Variants in CDH4 observed in about 807,000 individuals in gnomAD.
The protein encoded by CDH4 is cadherin 4.
In CDH4, 33 loss-of-function variants were observed where a neutral mutation model predicts 86.0. The observed-to-expected ratio is 0.38, with a 90% CI of 0.29 to 0.51. The LOEUF (loss-of-function observed/expected upper bound fraction) is 0.51, where lower values mean the gene tolerates loss of function less well. Among genes scored for constraint, CDH4 ranks in the 20% least tolerant of loss-of-function variants. The probability of loss-of-function intolerance (pLI) is 0.86; values close to 1 mark genes in which losing one functional copy is unlikely to be tolerated. For synonymous variants in CDH4, 555 were observed against 549.4 expected (o/e 1.01, Z -0.14); for missense variants, 1,114 against 1,307.4 (o/e 0.85, Z 2.28).
At chr20:61,327,924 G>A (rs757634000) in intron 2 of CDH4, among the ~76,000 whole-genome samples, 13 of 152,172 alleles carry the variant, frequency 8.5e-5, no homozygotes, top group Admixed American at 5.9e-4. Context: ...AATGGCCATG[G>A]AAATTTGGTC....
chr20:61,502,394 G>T (rs551274603), intron 2 of CDH4, among the ~76,000 whole-genome samples: 1 of 152,078 alleles, frequency 6.6e-6, no homozygotes, highest in Non-Finnish European at 1.5e-5. Context: ...TCCCAGGGTT[G>T]TCCTGGGACT....
chr20:61,329,062 T>C (rs2084553788), intron 2 of CDH4, among the ~76,000 whole-genome samples: 1 of 152,174 alleles, frequency 6.6e-6, no homozygotes, highest in Admixed American at 6.5e-5. Flanking sequence ...TAGTAACATG[T>C]TGAGTGTCTT....
At chr20:61,270,436 G>T (rs1042295568) in intron 2 of CDH4, among the ~76,000 whole-genome samples, 1 of 152,192 alleles carries the variant, frequency 6.6e-6, no homozygotes, top group Non-Finnish European at 1.5e-5. Flanking sequence ...TGGAATACCA[G>T]TGCTGGGCCG....
intron 11 of CDH4, 148 bp from the exon 12 acceptor site, chr20:61,928,042 G>A (rs1404043991): frequency 1.4e-6 from 1 of 716,862 alleles, no homozygotes; most frequent in South Asian, 1.6e-5. Flanking sequence ...TGTGTTGGGA[G>A]ATGGCCGGCC....
At position 61,708,798 on chromosome 20, in the gene CDH4, C is replaced by G. The variant is rs1392694828; in HGVS notation, c.170-34765C>G. 6.6e-6 allele frequency among the ~76,000 whole-genome samples: 1 copy of G among 152,208 alleles called. No homozygotes were observed. The highest frequency in any genetic ancestry group is 2.4e-5 in the African/African-American group (1 of 41,448). On this transcript the variant is annotated intron_variant, in intron 2 of 15. Transcript: ENST00000614565. This position sits in a 1 kb window ranked among gnomAD's most constrained non-coding sequence, Gnocchi z 4.5. Reference sequence around the variant, plus strand: ...CATGGACGGGCATCTCCTCTGCAGGCTGTTTGTTAGAGATGAGCACAGAAA... The same window carrying G: ...CATGGACGGGCATCTCCTCTGCAGGGTGTTTGTTAGAGATGAGCACAGAAA...
chr20:61,272,436 G>T (rs1197125305), intron 2 of CDH4, among the ~76,000 whole-genome samples: 49 of 152,202 alleles, frequency 3.2e-4, no homozygotes, highest in Non-Finnish European at 5.9e-5. Flanking sequence ...GTTTTGTCAG[G>T]AAGACATCCC....
At position 61,468,099 on chromosome 20, in the gene CDH4, A is replaced by G. The variant is rs149114637; in HGVS notation, c.169+213162A>G. Among the ~76,000 whole-genome samples, 14 of 152,270 alleles carry G rather than the reference A, an allele frequency of 9.2e-5. No individual in the cohort carries two copies. In the East Asian group the frequency reaches 1.9e-3, roughly 21 times the overall value. On this transcript the variant is annotated intron_variant, in intron 2 of 15. Coordinates refer to ENST00000614565, the MANE Select transcript of CDH4 (RefSeq NM_001794.5). Reference sequence around the variant, plus strand: ...GGCTCACTAGAGCCTCCATGTCCAGAGTCTTTATTTGGGACTCCATCACCT... The same window carrying G: ...GGCTCACTAGAGCCTCCATGTCCAGGGTCTTTATTTGGGACTCCATCACCT...
intron 4 of CDH4, among the ~76,000 whole-genome samples, chr20:61,826,962 AGTGTGTGTGTGT>A (rs11470719): frequency 0.011 from 1,555 of 146,072 alleles, 18 homozygotes; most frequent in African/African-American, 0.016. Flanking sequence ...AGAAGGGAAA[AGTGTGTGTGTGT>A]GTGTGTGTGT....
intron 2 of CDH4, among the ~76,000 whole-genome samples, chr20:61,696,736 G>A (rs2087718842): frequency 6.6e-6 from 1 of 152,210 alleles, no homozygotes; most frequent in Non-Finnish European, 1.5e-5. Flanking sequence ...TGGGCTGAAT[G>A]GAGGCCCCCA....
chr20:61,568,446 C>A (rs1213845290), intron 2 of CDH4, among the ~76,000 whole-genome samples: 1 of 152,206 alleles, frequency 6.6e-6, no homozygotes, highest in Non-Finnish European at 1.5e-5. Flanking sequence ...GAGGCCTCCC[C>A]AGCCATGCTG....
rs145074068 is a variant in CDH4, at chr20:61,649,247, G to A, written c.170-94316G>A. Among the ~76,000 whole-genome samples, 55 of 152,248 alleles carry A rather than the reference G, an allele frequency of 3.6e-4. No individual in the cohort carries two copies. The East Asian group carries it at 0.01, about 28-fold the overall frequency. On this transcript the variant is annotated intron_variant, in intron 2 of 15. Transcript: ENST00000614565. ...CCCACAGGGCCCCCCGAGCACGCAC[G>A]CTCACCTTTTGCATCACAGACCCAT...
At chr20:61,910,829 A>G (rs1218403499) in intron 9 of CDH4, among the ~76,000 whole-genome samples, 1 of 151,924 alleles carries the variant, frequency 6.6e-6, no homozygotes, top group Admixed American at 6.6e-5. Context: ...ATACCCTCCC[A>G]TTCCCTTTTC....
intron 2 of CDH4, among the ~76,000 whole-genome samples, chr20:61,321,724 T>C (rs1235933864): frequency 6.6e-6 from 1 of 152,098 alleles, no homozygotes; most frequent in Non-Finnish European, 1.5e-5. Flanking sequence ...AGCACAGGCC[T>C]GGGAGATGCT....
intron 2 of CDH4, among the ~76,000 whole-genome samples, chr20:61,314,111 C>T (rs965130377): frequency 6.6e-6 from 1 of 152,216 alleles, no homozygotes; most frequent in African/African-American, 2.4e-5. Flanking sequence ...ACCTTGTTAC[C>T]TTTTGTGGTG....
intron 10 of CDH4, 43 bp from the exon 11 acceptor site, chr20:61,924,291 C>A: frequency 1.3e-6 from 2 of 1,526,964 alleles, no homozygotes; most frequent in East Asian, 2.3e-5. Flanking sequence ...GCAGCCCCGC[C>A]CACCCCCAGC....
At chr20:61,773,609 C>G (rs2088805221) in intron 4 of CDH4, among the ~76,000 whole-genome samples, 1 of 152,200 alleles carries the variant, frequency 6.6e-6, no homozygotes, top group Admixed American at 6.5e-5. Context: ...TCTGCAAGTT[C>G]TTGGTCCCCG....
intron 2 of CDH4, among the ~76,000 whole-genome samples, chr20:61,311,225 T>C (rs1443238186): frequency 6.6e-6 from 1 of 152,088 alleles, no homozygotes; most frequent in Admixed American, 6.5e-5. Flanking sequence ...ACACCAGCAA[T>C]GTGTGTTTAT....
At chr20:61,320,749 A>G (rs2084503491) in intron 2 of CDH4, among the ~76,000 whole-genome samples, 1 of 151,908 alleles carries the variant, frequency 6.6e-6, no homozygotes, top group South Asian at 2.1e-4. Flanking sequence ...GAAGATGAAC[A>G]GGAGCCAAGC....
intron 2 of CDH4, among the ~76,000 whole-genome samples, chr20:61,391,378 T>C (rs999197057): frequency 5.9e-5 from 9 of 151,918 alleles, no homozygotes; most frequent in Non-Finnish European, 1.3e-4. Context: ...GGGCAGCTGG[T>C]TTTTGTGGGT....
Sources: allele counts gnomAD v4.1 joint callset (sites outside exome capture counted in the v4.1 genomes callset), GRCh38; gene constraint gnomAD v4.1.1; non-coding constraint Gnocchi (gnomAD v3.1); transcripts MANE v1.5; gene names NCBI Gene and HGNC (gene_info 2026-07-23, HGNC 2026-07-21).